SDK1: variants seen among roughly 807,000 people sequenced by gnomAD.
SDK1 encodes sidekick cell adhesion molecule 1, also known as protein sidekick-1.
SDK1 carries 157 observed loss-of-function variants against 245.5 expected under a neutral mutation model. The ratio of observed to expected loss-of-function variants is 0.64; its 90% CI spans 0.56 to 0.73. The LOEUF (loss-of-function observed/expected upper bound fraction) is 0.73, where lower values mean the gene tolerates loss of function less well. Ranked by LOEUF, SDK1 falls within the 30% of genes least tolerant of loss-of-function variation. The pLI is 0.00. For synonymous variants in SDK1, 1,647 were observed against 1,278.5 expected (o/e 1.29, Z -6.15); for missense variants, 3,583 against 3,002.3 (o/e 1.19, Z -4.52).
chr7:4,041,561 A>G (rs1052265733), intron 17 of SDK1, among the ~76,000 whole-genome samples: 2 of 152,106 alleles, frequency 1.3e-5, no homozygotes, highest in African/African-American at 4.8e-5. Context: ...AGCCTACAGA[A>G]GAGTTTCCTT....
intron 4 of SDK1, among the ~76,000 whole-genome samples, chr7:3,661,934 A>G (rs1783374666): frequency 6.6e-6 from 1 of 152,108 alleles, no homozygotes; most frequent in South Asian, 2.1e-4. Context: ...GGCTTAGACT[A>G]CTACCTGGGT....
At chr7:3,568,384 G>A (rs1044075540) in intron 1 of SDK1, among the ~76,000 whole-genome samples, 1 of 151,978 alleles carries the variant, frequency 6.6e-6, no homozygotes, top group Non-Finnish European at 1.5e-5. Context: ...TATTACCATA[G>A]TAATCACTGT....
intron 1 of SDK1, among the ~76,000 whole-genome samples, chr7:3,520,538 A>T (rs1221674689): frequency 6.6e-6 from 1 of 152,216 alleles, no homozygotes; most frequent in Non-Finnish European, 1.5e-5. Flanking sequence ...GTTTTAATAT[A>T]AATCTCTTAC....
chr7:4,088,636 G>A (rs113919437), intron 22 of SDK1, among the ~76,000 whole-genome samples: 2 of 151,528 alleles, frequency 1.3e-5, no homozygotes, highest in South Asian at 4.2e-4. Context: ...TGGTTTTTCT[G>A]ATTTCATCTG....
chr7:4,047,653 G>C lies in SDK1; in HGVS notation c.2603-1695G>C, dbSNP rs113634141. Among the ~76,000 whole-genome samples, 1,088 of 152,270 alleles carry C rather than the reference G, an allele frequency of 7.1e-3. 8 individuals are homozygous for C. Among genetic ancestry groups the C allele is most frequent in the African/African-American group, 0.025 (1,043 of 41,542 alleles). ...CATTCAGCCTTCGGCCATTCATTGA[G>C]GATTTTGGGTGAATTTCAGAATTTC... On this transcript the variant is annotated intron_variant, in intron 17 of 44. Coordinates refer to ENST00000404826, the MANE Select transcript of SDK1 (RefSeq NM_152744.4).
In SDK1 at chr7:3,626,043, A is replaced by G. The variant is rs1325752105; in HGVS notation, c.458+6804A>G. On this transcript the variant is annotated intron_variant, in intron 2 of 44. Coordinates refer to ENST00000404826, the MANE Select transcript of SDK1 (RefSeq NM_152744.4). Reference sequence around the variant, plus strand: ...ATTGCAGCCTGGAACTCCTAGACTGAAGTGATCCTTCTGCACCAGCCTCCC... The same window carrying G: ...ATTGCAGCCTGGAACTCCTAGACTGGAGTGATCCTTCTGCACCAGCCTCCC... 2.0e-5 allele frequency among the ~76,000 whole-genome samples: 3 copies of G among 149,992 alleles called. No homozygotes were observed. The East Asian group carries it at 5.9e-4, about 29-fold the overall frequency.
chr7:4,123,866 A>G (rs990810533), intron 25 of SDK1, among the ~76,000 whole-genome samples: 18 of 152,114 alleles, frequency 1.2e-4, no homozygotes, highest in Middle Eastern at 3.2e-3. Flanking sequence ...TGGTAGGGGG[A>G]GAAGGGAAGG....
intron 30 of SDK1, among the ~76,000 whole-genome samples, chr7:4,156,108 G>A (rs1226423282): frequency 2.6e-5 from 4 of 152,204 alleles, no homozygotes; most frequent in Non-Finnish European, 5.9e-5. Flanking sequence ...AGGAAACTGA[G>A]GCAAAGTATG....
At chr7:3,761,234 G>GT (rs199582751) in intron 4 of SDK1, among the ~76,000 whole-genome samples, 2,378 of 92,262 alleles carry the variant, frequency 0.026, 29 homozygotes, top group Middle Eastern at 0.049. Flanking sequence ...AAATCCAGTA[G>GT]TTTTTTTTTT....
intron 5 of SDK1, among the ~76,000 whole-genome samples, chr7:3,884,728 A>G (rs1781296316): frequency 6.6e-6 from 1 of 152,218 alleles, no homozygotes; most frequent in South Asian, 2.1e-4. Context: ...AGCTATGGGC[A>G]GAGCCCATGA....
At position 3,635,626 on chromosome 7, in the gene SDK1, C is replaced by G. The variant is rs115050916; in HGVS notation, c.459-3378C>G. ...TTGTGGACAAGTATTACTGGAACAT[C>G]TTTTTGGGTGGGTAAAGTGTACCGT... is the stretch of plus-strand genomic sequence containing the variant. On this transcript the variant is annotated intron_variant, in intron 2 of 44. Coordinates refer to ENST00000404826, the MANE Select transcript of SDK1 (RefSeq NM_152744.4). Among the ~76,000 whole-genome samples, 193 of 152,280 alleles carry G rather than the reference C, an allele frequency of 1.3e-3. 1 individual carries two copies. The highest frequency in any genetic ancestry group is 4.5e-3 in the African/African-American group (186 of 41,576).
At chr7:3,782,878 C>G (rs1385287473) in intron 4 of SDK1, among the ~76,000 whole-genome samples, 1 of 152,092 alleles carries the variant, frequency 6.6e-6, no homozygotes, top group Non-Finnish European at 1.5e-5. Flanking sequence ...TTTTACAAAG[C>G]CAACATTACC....
At chr7:3,582,363 G>C (rs1430863477) in intron 1 of SDK1, among the ~76,000 whole-genome samples, 21 of 140,908 alleles carry the variant, frequency 1.5e-4, no homozygotes, top group East Asian at 4.3e-4. Flanking sequence ...AGGTAGGTCT[G>C]TCTCAGGTAG....
At chr7:3,710,096 T>G (rs985790194) in intron 4 of SDK1, among the ~76,000 whole-genome samples, 1 of 152,280 alleles carries the variant, frequency 6.6e-6, no homozygotes, top group African/African-American at 2.4e-5. Flanking sequence ...CACATGTTGT[T>G]CACAAACCTT....
At chr7:3,566,495 G>A (rs1369830249) in intron 1 of SDK1, among the ~76,000 whole-genome samples, 3 of 151,980 alleles carry the variant, frequency 2.0e-5, no homozygotes, top group African/African-American at 7.2e-5. Flanking sequence ...AAAGTGCTGG[G>A]ATTACAGGCG....
At chr7:3,590,300 C>CTTTTTTCT in intron 1 of SDK1, among the ~76,000 whole-genome samples, 1 of 96,128 alleles carries the variant, frequency 1.0e-5, no homozygotes, top group Non-Finnish European at 2.0e-5. Context: ...TTTCCTGTTC[C>CTTTTTTCT]TTTTTTTTTT....
chr7:3,977,704 C>G (rs1298950752), intron 13 of SDK1, among the ~76,000 whole-genome samples: 3 of 152,268 alleles, frequency 2.0e-5, no homozygotes, highest in Non-Finnish European at 2.9e-5. Context: ...CCTGGTAGCA[C>G]TGATCACGCT....
intron 5 of SDK1, among the ~76,000 whole-genome samples, chr7:3,871,929 T>C (rs1015881645): frequency 1.3e-5 from 2 of 152,224 alleles, no homozygotes; most frequent in Non-Finnish European, 2.9e-5. Context: ...AATCTGATGT[T>C]AGCTATATGT....
chr7:3,706,925 A>G (rs1383780193), intron 4 of SDK1, among the ~76,000 whole-genome samples: 1 of 152,156 alleles, frequency 6.6e-6, no homozygotes, highest in Non-Finnish European at 1.5e-5. Flanking sequence ...TTTATTACTA[A>G]TTGAGTTTAT....
Sources: gnomAD v4.1 joint callset for allele counts (sites outside exome capture counted in the v4.1 genomes callset) on GRCh38, gnomAD v4.1.1 for gene constraint, MANE v1.5 for transcripts, NCBI Gene and HGNC (gene_info 2026-07-23, HGNC 2026-07-21) for gene names.